SCG3: variants seen among roughly 807,000 people sequenced by gnomAD.
The protein encoded by SCG3 is secretogranin III, also known as secretogranin-3.
A neutral mutation model predicts 56.2 loss-of-function variants in SCG3; 38 were observed. That is an observed-to-expected ratio of 0.68 (90% CI 0.52 to 0.89). The LOEUF is 0.89. SCG3 is among the 40% of genes least tolerant of loss of function. The pLI, the probability that SCG3 is intolerant of heterozygous loss-of-function variation, is 0.00. For synonymous variants in SCG3, 176 were observed against 184.2 expected, an observed-to-expected ratio of 0.96 and a Z score of 0.36; for missense variants, 524 against 540.7, an observed-to-expected ratio of 0.97 and a Z score of 0.31.
At chr15:51,685,510 A>G (rs997217422) in intron 4 of SCG3, among the ~76,000 whole-genome samples, 7 of 152,220 alleles carry the variant, frequency 4.6e-5, no homozygotes, top group Admixed American at 1.3e-4. Context: ...CGTAGGAGGT[A>G]TTAACTCCAC....
At chr15:51,704,764 C>CATATATATATATATAT (rs56192434) in intron 10 of SCG3, among the ~76,000 whole-genome samples, 1,474 of 66,740 alleles carry the variant, frequency 0.022, 198 homozygotes, top group Non-Finnish European at 0.034. Flanking sequence ...GTGAGTAATA[C>CATATATATATATATAT]ATATATATAT....
At chr15:51,705,818 G>A (rs1018620041) in intron 10 of SCG3, among the ~76,000 whole-genome samples, 2 of 152,234 alleles carry the variant, frequency 1.3e-5, no homozygotes, top group Middle Eastern at 3.4e-3. Context: ...GAGCCACCAC[G>A]CCCAGCCTAG....
At chr15:51,700,413 G>T (rs2055331459) in intron 9 of SCG3, among the ~76,000 whole-genome samples, 1 of 152,138 alleles carries the variant, frequency 6.6e-6, no homozygotes, top group Non-Finnish European at 1.5e-5. Context: ...TTTTCAAATG[G>T]TTACCTACTT....
At chr15:51,701,851 C>T (rs1042966186) in intron 10 of SCG3, among the ~76,000 whole-genome samples, 3 of 151,962 alleles carry the variant, frequency 2.0e-5, no homozygotes, top group Non-Finnish European at 4.4e-5. Flanking sequence ...GGCTGCCCCA[C>T]TATACTCCAG....
chr15:51,683,268 G>A lies in SCG3; in HGVS notation c.231G>A (p.Leu77=), dbSNP rs1393479820. 5 of 1,613,738 alleles carry A rather than the reference G, an allele frequency of 3.1e-6. No homozygotes were observed. The East Asian group carries it at 8.9e-5, about 29-fold the overall frequency. ...SNYSFVDNLN[L]LKAITEKEKI... ...ATTCTTTTGTTGATAACTTGAACCT[G>A]CTAAAGGCAATAACAGAAAAGGAAA... is the stretch of plus-strand genomic sequence containing the variant. Residue 77 remains leucine (L), a synonymous_variant, in exon 4 of 12, where the codon CTG becomes CTA. Coordinates refer to ENST00000220478, the MANE Select transcript of SCG3 (RefSeq NM_013243.4).
At chr15:51,714,310 C>T (rs1595842132) in intron 11 of SCG3, among the ~76,000 whole-genome samples, 1 of 152,138 alleles carries the variant, frequency 6.6e-6, no homozygotes, top group Non-Finnish European at 1.5e-5. Context: ...AGAAATCCAT[C>T]TGGCAGCAGT....
intron 2 of SCG3, 41 bp from the exon 3 acceptor site, chr15:51,683,038 C>G (rs2055204672): frequency 6.5e-7 from 1 of 1,529,066 alleles, no homozygotes; most frequent in African/African-American, 1.4e-5. Context: ...AGTAGTGGAG[C>G]AATGATTTTA....
rs189874617 is a variant in SCG3 at position 51,708,537 on chromosome 15, G to T, written c.1208-4796G>T. Reference sequence around the variant, plus strand: ...GGGCCTTTAAAAGTTTTCGCTAAGTGATTTTAATGTGCATCAAAGTTTGAA... The same window carrying T: ...GGGCCTTTAAAAGTTTTCGCTAAGTTATTTTAATGTGCATCAAAGTTTGAA... On this transcript the variant is annotated intron_variant, in intron 10 of 11. Transcript: ENST00000220478. Among the ~76,000 whole-genome samples, 343 of 152,308 alleles carry T rather than the reference G, an allele frequency of 2.3e-3. 1 individual carries two copies. Among genetic ancestry groups the T allele is most frequent in the African/African-American group, 8.0e-3 (332 of 41,572 alleles).
intron 9 of SCG3, 73 bp from the exon 10 acceptor site, chr15:51,701,034 T>C (rs1237770942): frequency 1.3e-6 from 2 of 1,577,038 alleles, no homozygotes; most frequent in East Asian, 2.2e-5. Flanking sequence ...GTCAATAAAG[T>C]TGATTTCTAC....
chr15:51,697,673 T>C (rs2055312616), intron 8 of SCG3, among the ~76,000 whole-genome samples: 1 of 152,248 alleles, frequency 6.6e-6, no homozygotes, highest in African/African-American at 2.4e-5. Flanking sequence ...AAATTATTTA[T>C]TTATTTTTAT....
Position 51,683,212 on chromosome 15 carries a change from C to G in SCG3, c.182-7C>G. On this transcript the variant is annotated splice_region_variant and splice_polypyrimidine_tract_variant and intron_variant, in intron 3 of 11. Transcript: ENST00000220478. ...TGGCTGTGTTGGGTTTGGGGCTATT[C>G]TTCCAGAAAACAAGCCAGGTCAGAG... 6.2e-7 allele frequency: 1 copy of G among 1,611,720 alleles called. No individual in the cohort carries two copies. The highest frequency in any genetic ancestry group is 1.1e-5 in the South Asian group (1 of 90,762).
At position 51,688,285 on chromosome 15, in the gene SCG3, A is replaced by G; in HGVS notation, c.423A>G (p.Leu141=). ...FQDDPDGLHQ[L]DGTPLTAEDI... is the part of the protein sequence containing the mutation. ...ATGATCCAGATGGTCTTCATCAACTAGACGGGACTCCTTTAACCGCTGAAG... is the reference window on the plus strand; with the variant it reads ...ATGATCCAGATGGTCTTCATCAACTGGACGGGACTCCTTTAACCGCTGAAG... Residue 141 remains leucine, a synonymous_variant, in exon 5 of 12, where the codon CTA becomes CTG. Transcript: ENST00000220478. 2.5e-6 allele frequency: 4 copies of G among 1,613,904 alleles called. No individual in the cohort carries two copies. Among genetic ancestry groups the G allele is most frequent in the Non-Finnish European group, 3.4e-6 (4 of 1,179,808 alleles).
At chr15:51,683,922 C>T (rs1386970593) in intron 4 of SCG3, among the ~76,000 whole-genome samples, 1 of 152,148 alleles carries the variant, frequency 6.6e-6, no homozygotes, top group Admixed American at 6.5e-5. Context: ...ATCACTAGGC[C>T]AGACTTCTCT....
chr15:51,719,461 G>T lies in SCG3; in HGVS notation c.1342G>T (p.Val448Leu), dbSNP rs761636927. The T allele has an allele frequency of 4.6e-5, 75 of 1,614,036 alleles. 1 individual carries two copies. The South Asian group carries it at 7.8e-4, about 17-fold the overall frequency. ...DFINKQADAY[V>L]EKGILDKEEA... ...CATCAATAAACAAGCTGATGCTTAT[G>T]TGGAGAAAGGCATCCTTGACAAGGA... Residue 448 changes from valine to leucine, a missense_variant, in exon 12 of 12, where the codon GTG becomes TTG. Val to Leu is a conservative substitution (Grantham distance 32). Transcript: ENST00000220478.
At chr15:51,684,444 G>A (rs1211253408) in intron 4 of SCG3, among the ~76,000 whole-genome samples, 2 of 152,160 alleles carry the variant, frequency 1.3e-5, no homozygotes, top group Admixed American at 6.5e-5. Context: ...AGGAGTGGTG[G>A]TGGGCACCTG....
intron 10 of SCG3, among the ~76,000 whole-genome samples, chr15:51,702,916 A>G (rs2055348459): frequency 6.6e-6 from 1 of 152,164 alleles, no homozygotes; most frequent in African/African-American, 2.4e-5. Flanking sequence ...GCACCACTGT[A>G]CTTCAGCCTG....
At chr15:51,694,154 A>G (rs1260350150) in intron 7 of SCG3, among the ~76,000 whole-genome samples, 2 of 152,100 alleles carry the variant, frequency 1.3e-5, no homozygotes, top group Non-Finnish European at 2.9e-5. Context: ...TTTAATTTAA[A>G]TATTTATACT....
chr15:51,717,860 T>A (rs756054222), intron 11 of SCG3, among the ~76,000 whole-genome samples: 7 of 152,192 alleles, frequency 4.6e-5, no homozygotes, highest in Non-Finnish European at 8.8e-5. Context: ...GGAATGTGAT[T>A]GGACAAAAAG....
intron 7 of SCG3, chr15:51,693,712 C>T (rs1196978650): frequency 6.6e-6 from 1 of 152,148 alleles, no homozygotes; most frequent in Non-Finnish European, 1.5e-5. Flanking sequence ...TTAAAATAAG[C>T]TTTCATTTCT....
Sources: gnomAD v4.1 joint callset for allele counts (sites outside exome capture counted in the v4.1 genomes callset) on GRCh38, gnomAD v4.1.1 for gene constraint, MANE v1.5 for transcripts, NCBI Gene and HGNC (gene_info 2026-07-23, HGNC 2026-07-21) for gene names.